Variants in TRAFD1 observed in about 807,000 individuals in gnomAD.
TRAFD1 encodes the protein TRAF-type zinc finger domain-containing protein 1.
TRAFD1 carries 38 observed loss-of-function variants against 65.3 expected under a neutral mutation model. That is an observed-to-expected ratio of 0.58 (90% CI 0.45 to 0.76). The LOEUF (loss-of-function observed/expected upper bound fraction) is 0.76. Ranked by LOEUF, TRAFD1 falls within the 30% of genes least tolerant of loss-of-function variation. The pLI is 0.00. For synonymous variants in TRAFD1, 223 were observed against 257.2 expected (o/e 0.87, Z 1.27); for missense variants, 631 against 712.6 (o/e 0.89, Z 1.30).
chr12:112,148,560 A>G (rs1466416077), intron 8 of TRAFD1, among the ~76,000 whole-genome samples: 2 of 152,194 alleles, frequency 1.3e-5, no homozygotes, highest in Admixed American at 6.5e-5. Context: ...CTATTTGAGC[A>G]GGTGTGGAAG....
chr12:112,135,124 T>C, intron 4 of TRAFD1, 58 bp downstream of exon 4: 9 of 1,596,444 alleles, frequency 5.6e-6, no homozygotes, highest in Non-Finnish European at 5.2e-6. Flanking sequence ...CAGACCCACA[T>C]GCAGAGCAGG....
chr12:112,136,834 C>G (rs1261791155), intron 4 of TRAFD1, among the ~76,000 whole-genome samples: 2 of 152,200 alleles, frequency 1.3e-5, no homozygotes, highest in Non-Finnish European at 2.9e-5. Context: ...CTCAAGTGAT[C>G]CTCCCTTCTT....
At chr12:112,129,316 C>T (rs1325849342) in intron 1 of TRAFD1, among the ~76,000 whole-genome samples, 1 of 147,960 alleles carries the variant, frequency 6.8e-6, no homozygotes. Flanking sequence ...ATCTTCCCAT[C>T]TCAGCCTTCT....
In TRAFD1 at chr12:112,153,460, C is replaced by G. The variant is rs2030468037; in HGVS notation, c.*669C>G. On this transcript the variant is annotated 3_prime_UTR_variant, in exon 12 of 12. Transcript: ENST00000412615. ...GGGGAGGGCTGAGGGCTCCCTGTCCCCACAGCAGGTATGTTGGGCTCTGCC... is the reference window on the plus strand; with the variant it reads ...GGGGAGGGCTGAGGGCTCCCTGTCCGCACAGCAGGTATGTTGGGCTCTGCC... The G allele has an allele frequency of 6.6e-6, 1 of 152,238 alleles. No individual in the cohort carries two copies. Among genetic ancestry groups the G allele is most frequent in the South Asian group, 2.1e-4 (1 of 4,834 alleles). The allele number at this position is 152,238 out of a possible 1,614,324, so 9.4% of individuals were successfully genotyped here.
chr12:112,146,315 C>T (rs2030243968), intron 7 of TRAFD1, among the ~76,000 whole-genome samples: 1 of 151,352 alleles, frequency 6.6e-6, no homozygotes, highest in South Asian at 2.1e-4. Flanking sequence ...TTGCTTGAGC[C>T]CATGAGTTTA....
intron 6 of TRAFD1, among the ~76,000 whole-genome samples, chr12:112,143,735 T>C (rs1319986699): frequency 6.7e-6 from 1 of 149,174 alleles, no homozygotes; most frequent in South Asian, 2.1e-4. Flanking sequence ...TTTGGTTTTT[T>C]TTTTTTTTTT....
chr12:112,151,678 A>G, intron 9 of TRAFD1, 123 bp from the exon 10 acceptor site: 2 of 948,206 alleles, frequency 2.1e-6, no homozygotes, highest in Non-Finnish European at 1.6e-6. Flanking sequence ...GTTTACAGGC[A>G]TGAGCCACCA....
Position 112,152,111 on chromosome 12 carries a change from C to A in TRAFD1, c.1590C>A (p.Ser530=). The A allele has an allele frequency of 6.2e-7, 1 of 1,613,482 alleles. No homozygotes were observed. Among genetic ancestry groups the A allele is most frequent in the Non-Finnish European group, 8.5e-7 (1 of 1,179,512 alleles). ...LYPENIVPSF[S]PGPSGRYGAS... ...CAGAAAACATTGTGCCCTCTTTCTC[C>A]CCTGGGCCTTCAGGGAGATACGGAG... The change falls in exon 10 of 12, where the codon TCC becomes TCA. Residue 530 remains serine (S), a synonymous_variant. Transcript: ENST00000412615. This position sits in a 1 kb window ranked among gnomAD's most constrained non-coding sequence, Gnocchi z 5.0.
At chr12:112,149,631 C>CT in intron 8 of TRAFD1, 120 bp from the exon 9 acceptor site, 1 of 1,388,802 alleles carries the variant, frequency 7.2e-7, no homozygotes, top group South Asian at 1.4e-5. Flanking sequence ...GTTCCCAGAA[C>CT]TTTCAGAGGT....
Position 112,152,002 on chromosome 12 carries a change from T to C in TRAFD1, c.1481T>C (p.Ile494Thr). The C allele has an allele frequency of 6.2e-7, 1 of 1,614,214 alleles. No individual in the cohort carries two copies. Among genetic ancestry groups the C allele is most frequent in the Non-Finnish European group, 8.5e-7 (1 of 1,180,036 alleles). The change falls in exon 10 of 12, where the codon ATC becomes ACC. Residue 494 changes from isoleucine to threonine, a missense_variant. By Grantham distance (89) the Ile-to-Thr change is moderately conservative. Coordinates refer to ENST00000412615, the MANE Select transcript of TRAFD1 (RefSeq NM_006700.3). The surrounding 1 kb of genome is among the most constrained non-coding windows in gnomAD (Gnocchi z 5.0). ...CTCAGCAACTCAGACAGCCAGGACA[T>C]CCAGGGGCGGAATCGAGACAGCCAG... is the stretch of plus-strand genomic sequence containing the variant. ...PKLSNSDSQD[I>T]QGRNRDSQNG...
At position 112,152,686 on chromosome 12, in the gene TRAFD1, C is replaced by T. The variant is rs369451929; in HGVS notation, c.1693-49C>T. Reference sequence around the variant, plus strand: ...TCGGGGATCCAGGGGAGGAGTAATGCTTTTTCACTTTTTATGTAAAGCTTC... The same window carrying T: ...TCGGGGATCCAGGGGAGGAGTAATGTTTTTTCACTTTTTATGTAAAGCTTC... On this transcript the variant is annotated intron_variant, in intron 11 of 11. Transcript: ENST00000412615. The surrounding 1 kb of genome is among the most constrained non-coding windows in gnomAD (Gnocchi z 5.0). 1.5e-4 allele frequency: 241 copies of T among 1,613,636 alleles called. No homozygotes were observed. The highest frequency in any genetic ancestry group is 9.3e-4 in the Admixed American group (56 of 59,930).
intron 4 of TRAFD1, among the ~76,000 whole-genome samples, chr12:112,136,128 C>T (rs1339277904): frequency 7.8e-6 from 1 of 128,838 alleles, no homozygotes; most frequent in Non-Finnish European, 1.7e-5. Flanking sequence ...GACTACATCT[C>T]AAAAAAAAAA....
At position 112,149,767 on chromosome 12, in the gene TRAFD1, G is replaced by T; in HGVS notation, c.1175G>T (p.Arg392Leu). 6.2e-7 allele frequency: 1 copy of T among 1,614,028 alleles called. No homozygotes were observed. The highest frequency in any genetic ancestry group is 8.5e-7 in the Non-Finnish European group (1 of 1,179,968). The stretch of plus-strand genomic sequence containing the variant: ...CTTGTTTAGGACCAGTGTGACCAAC[G>T]CCCAGCCACTGCAACCAACCATGTG... ...LFHHQDQCDQ[R>L]PATATNHVTE... Residue 392 changes from arginine (R) to leucine (L), a missense_variant, in exon 9 of 12, where the codon CGC becomes CTC. Coordinates refer to ENST00000412615, the MANE Select transcript of TRAFD1 (RefSeq NM_006700.3).
intron 6 of TRAFD1, among the ~76,000 whole-genome samples, chr12:112,142,525 C>T (rs553990567): frequency 6.6e-6 from 1 of 151,750 alleles, no homozygotes; most frequent in Non-Finnish European, 1.5e-5. Context: ...AAGTGATTCT[C>T]GTGCCTCTGC....
chr12:112,145,596 C>G lies in TRAFD1; in HGVS notation c.861C>G (p.Asp287Glu). The G allele has an allele frequency of 6.2e-7, 1 of 1,614,066 alleles. No individual in the cohort carries two copies. Among genetic ancestry groups the G allele is most frequent in the Non-Finnish European group, 8.5e-7 (1 of 1,179,992 alleles). The change falls in exon 7 of 12, where the codon GAC (aspartate) becomes GAG (glutamate). Residue 287 changes from aspartate (D) to glutamate (E), a missense_variant. Coordinates refer to ENST00000412615, the MANE Select transcript of TRAFD1 (RefSeq NM_006700.3). Reference protein sequence around the residue: ...RSLSDIKGAADEIMLPCEFCE... With the variant: ...RSLSDIKGAAEEIMLPCEFCE... ...TGGCCTAATACCTAGGTGCAGCTGA[C>G]GAGATCATGTTGCCTTGTGAATTTT...
At position 112,141,020 on chromosome 12, in the gene TRAFD1, G is replaced by A. The variant is rs377133781; in HGVS notation, c.439G>A (p.Ala147Thr). Reference sequence around the variant, plus strand: ...GGGGGAGGAAAAGAGAAATGAGGTTGCCATACCTCCTAATGCATATGATGA... The same window carrying A: ...GGGGGAGGAAAAGAGAAATGAGGTTACCATACCTCCTAATGCATATGATGA... The part of the protein sequence containing the change: ...REGEEKRNEV[A>T]IPPNAYDESW... Residue 147 changes from alanine to threonine, a missense_variant, in exon 5 of 12, where the codon GCC becomes ACC. Ala to Thr is a moderately conservative substitution (Grantham distance 58). Coordinates refer to ENST00000412615, the MANE Select transcript of TRAFD1 (RefSeq NM_006700.3). The A allele has an allele frequency of 3.1e-6, 5 of 1,614,086 alleles. No homozygotes were observed. In the African/African-American group the frequency reaches 6.7e-5, roughly 22 times the overall value.
intron 7 of TRAFD1, 55 bp from the exon 8 acceptor site, chr12:112,148,019 A>G (rs2030299812): frequency 6.9e-7 from 1 of 1,439,462 alleles, no homozygotes; most frequent in Non-Finnish European, 9.5e-7. Flanking sequence ...TTAGGAATGT[A>G]GTTTTTTTCT....
chr12:112,141,344 T>C, intron 5 of TRAFD1, 120 bp downstream of exon 5: 5 of 1,144,270 alleles, frequency 4.4e-6, no homozygotes, highest in Non-Finnish European at 6.1e-6. Context: ...TGAGTAACAC[T>C]GGGAAGAATA....
At chr12:112,141,915 A>G in intron 5 of TRAFD1, 174 bp from the exon 6 acceptor site, 1 of 638,814 alleles carries the variant, frequency 1.6e-6, no homozygotes, top group South Asian at 2.0e-5. Context: ...CACAGGGCAG[A>G]CTTTAATGTT....
Sources: allele counts gnomAD v4.1 joint callset (sites outside exome capture counted in the v4.1 genomes callset), GRCh38; gene constraint gnomAD v4.1.1; non-coding constraint Gnocchi (gnomAD v3.1); transcripts MANE v1.5; gene names NCBI Gene and HGNC (gene_info 2026-07-23, HGNC 2026-07-21).